The following PLIN4 variants were observed in gnomAD, a reference collection of about 807,000 sequenced individuals.
PLIN4 encodes perilipin-4.
A neutral mutation model predicts 52.4 loss-of-function variants in PLIN4; 57 were observed. The observed-to-expected ratio is 1.09, with a 90% CI of 0.88 to 1.36. The LOEUF (loss-of-function observed/expected upper bound fraction) is 1.36, where lower values mean the gene tolerates loss of function less well. Ranked by LOEUF, PLIN4 falls within the 40% of genes most tolerant of loss-of-function variation. The pLI is 0.00. For synonymous variants in PLIN4, 826 were observed against 785.4 expected (o/e 1.05, Z -0.86); for missense variants, 1,757 against 1,770.3 (o/e 0.99, Z 0.13).
chr19:4,504,508 G>C lies in PLIN4; in HGVS notation c.4067C>G (p.Pro1356Arg), dbSNP rs772145985. 12 of 1,600,516 alleles carry C rather than the reference G, an allele frequency of 7.5e-6. No individual in the cohort carries two copies. The highest frequency in any genetic ancestry group is 3.4e-5 in the Admixed American group (2 of 59,588). ...QLLEGLQHNP[P>R]LSWLVGPFAL... ...GAAGGGCCCTACCAGCCAGCTGAGC[G>C]GGGGATTGTGCTGTAGGCCCTCCAG... The change falls in exon 8 of 8, where the codon CCG becomes CGG. Residue 1356 changes from proline to arginine, a missense_variant. Transcript: ENST00000301286.
chr19:4,515,497 G>C (rs1048409538), intron 4 of PLIN4, among the ~76,000 whole-genome samples: 1 of 152,068 alleles, frequency 6.6e-6, no homozygotes, highest in Non-Finnish European at 1.5e-5. Context: ...TCAAACTCCT[G>C]AGCTCAACTG....
intron 4 of PLIN4, among the ~76,000 whole-genome samples, 173 bp downstream of exon 4, chr19:4,516,444 T>C (rs932540937): frequency 6.6e-6 from 1 of 152,168 alleles, no homozygotes; most frequent in South Asian, 2.1e-4. Flanking sequence ...AAGCTCCGCC[T>C]GGGATCCCCA....
rs929199939 is a variant in PLIN4, at chr19:4,512,349, A to G, written c.1611T>C (p.Ser537=). ...VLTGTKDTVC[S]GVTSAVNVAK... is the part of the protein sequence containing the mutation. ...CCACGTTCACAGCACTGGTCACCCC[A>G]CTGCAGACGGTGTCCTTGGTGCCGG... The change falls in exon 5 of 8, where the codon AGT becomes AGC. Residue 537 remains serine, a synonymous_variant. Coordinates refer to ENST00000301286, the MANE Select transcript of PLIN4 (RefSeq NM_001367868.2). 6.2e-7 allele frequency: 1 copy of G among 1,610,038 alleles called. No individual in the cohort carries two copies. Among genetic ancestry groups the G allele is most frequent in the South Asian group, 1.1e-5 (1 of 90,878 alleles).
chr19:4,512,686 G>A lies in PLIN4; in HGVS notation c.1274C>T (p.Thr425Ile), dbSNP rs748348808. Residue 425 changes from threonine to isoleucine, a missense_variant, in exon 5 of 8, where the codon ACC becomes ATC. Around this residue, in one of 7 missense-constraint regions of PLIN4, gnomAD observed 439 missense variants for 406.4 expected, o/e 1.08. Transcript: ENST00000301286. Reference protein sequence around the residue: ...KGAMQTGLNTTQNIATGTKDT... With the variant: ...KGAMQTGLNTIQNIATGTKDT... ...CTTTGTACCTGTTGCGATATTTTGG[G>A]TTGTGTTCAGCCCAGTTTGCATGGC... The A allele has an allele frequency of 6.5e-7, 1 of 1,531,052 alleles. No homozygotes were observed. The highest frequency in any genetic ancestry group is 2.3e-5 in the East Asian group (1 of 44,238). 94.8% of individuals were successfully genotyped at this position (1,531,052 alleles called of 1,614,324 possible). A position where few individuals can be genotyped will look rare whatever the true frequency, so the allele number is the denominator to read the frequency against.
intron 4 of PLIN4, 126 bp downstream of exon 4, chr19:4,516,491 C>T (rs1015286723): frequency 2.6e-6 from 3 of 1,156,196 alleles, no homozygotes; most frequent in Non-Finnish European, 3.6e-6. Context: ...AGCAGCCCCC[C>T]AGATAGCAGG....
Position 4,504,094 on chromosome 19 carries a change from A to C in PLIN4, c.*365T>G. ...CCCTGCTAGATATAAAAGGGTTGCT[A>C]GCGGGGCAAACAGATGCCCTTCCAG... On this transcript the variant is annotated 3_prime_UTR_variant, in exon 8 of 8. Transcript: ENST00000301286. The C allele has an allele frequency of 4.9e-6, 1 of 203,510 alleles. No individual in the cohort carries two copies. The allele number at this position is 203,510 out of a possible 1,614,324, so 12.6% of individuals were successfully genotyped here. A position where few individuals can be genotyped will look rare whatever the true frequency, so the allele number is the denominator to read the frequency against.
rs374670914 is a variant in PLIN4, at chr19:4,510,981, G to C, written c.2979C>G (p.Thr993=). Residue 993 remains threonine, a synonymous_variant, in exon 5 of 8, where the codon ACC becomes ACG. Transcript: ENST00000301286. ...VDASKAVLMG[T]KDTVFSGVTG... is the part of the protein sequence containing the mutation. The stretch of plus-strand genomic sequence containing the variant: ...TAACCCCACTGAAGACAGTGTCCTT[G>C]GTACCCATAAGCACAGCCTTGGAGG... 2.5e-6 allele frequency: 4 copies of C among 1,612,894 alleles called. No individual in the cohort carries two copies. Among genetic ancestry groups the C allele is most frequent in the African/African-American group, 2.7e-5 (2 of 74,750 alleles).
Position 4,515,784 on chromosome 19 carries a change from A to G in PLIN4, c.258+833T>C, listed in dbSNP as rs942658740. On this transcript the variant is annotated intron_variant, in intron 4 of 7. Transcript: ENST00000301286. The stretch of plus-strand genomic sequence containing the variant: ...CCAAATATCCACAGTACTGAGGTTG[A>G]GAAGCCCGGAAATTGTATTCTCAGA... Among the ~76,000 whole-genome samples, 11 of 152,176 alleles carry G rather than the reference A, an allele frequency of 7.2e-5. No homozygotes were observed. In the East Asian group the frequency reaches 1.7e-3, roughly 24 times the overall value.
chr19:4,512,394 G>A lies in PLIN4; in HGVS notation c.1566C>T (p.Asp522=), dbSNP rs1341860649. The A allele has an allele frequency of 1.2e-6, 2 of 1,608,950 alleles. No individual in the cohort carries two copies. The highest frequency in any genetic ancestry group is 1.4e-5 in the African/African-American group (1 of 73,388). The part of the protein sequence containing the change: ...VAKGTVQTGV[D]TTKTVLTGTK... ...TGCCGGTTAGGACAGTCTTGGTGGT[G>A]TCTACGCCGGTCTGGACGGTCCCTT... Residue 522 remains aspartate, a synonymous_variant, in exon 5 of 8, where the codon GAC becomes GAT. Transcript: ENST00000301286.
In PLIN4 at chr19:4,510,531, G is replaced by A. The variant is rs769420900; in HGVS notation, c.3429C>T (p.Pro1143=). 28 of 1,486,532 alleles carry A rather than the reference G, an allele frequency of 1.9e-5. No individual in the cohort carries two copies. The highest frequency in any genetic ancestry group is 7.4e-5 in the Admixed American group (3 of 40,656). The allele number at this position is 1,486,532 out of a possible 1,614,324, so 92.1% of individuals were successfully genotyped here. A position where few individuals can be genotyped will look rare whatever the true frequency, so the allele number is the denominator to read the frequency against. The stretch of plus-strand genomic sequence containing the variant: ...GCATTGCCAAGCGTGGGGCTTCTTC[G>A]GGGCCGTGTGTGGTGGCCAAAAGCC... The part of the protein sequence containing the change: ...DTGLLATTHG[P]EEAPRLAMLQ... The change falls in exon 5 of 8, where the codon CCC becomes CCT. Residue 1143 remains proline (P), a synonymous_variant. Coordinates refer to ENST00000301286, the MANE Select transcript of PLIN4 (RefSeq NM_001367868.2).
In PLIN4 at chr19:4,511,124, C is replaced by T. The variant is rs762943924; in HGVS notation, c.2836G>A (p.Val946Ile). 893 of 1,610,594 alleles carry T rather than the reference C, an allele frequency of 5.5e-4. No individual in the cohort carries two copies. Among genetic ancestry groups the T allele is most frequent in the Non-Finnish European group, 7.1e-4 (833 of 1,177,672 alleles). ...TGAVNVAKGT[V>I]QTGVDTAKTV... ...TTGGCTGTGTCCACACCTGTCTGGA[C>T]GGTCCCTTTGGCCACATTTACGGCA... Residue 946 changes from valine to isoleucine, a missense_variant, in exon 5 of 8, where the codon GTC becomes ATC. By Grantham distance (29) the Val-to-Ile change is conservative. Transcript: ENST00000301286.
intron 6 of PLIN4, among the ~76,000 whole-genome samples, chr19:4,508,117 T>C (rs907349062): frequency 2.0e-5 from 3 of 152,138 alleles, no homozygotes; most frequent in Non-Finnish European, 2.9e-5. Context: ...TGCTCCCCGG[T>C]AGCTTGCTGT....
At chr19:4,506,095 C>T (rs546329685) in intron 6 of PLIN4, among the ~76,000 whole-genome samples, 4 of 152,172 alleles carry the variant, frequency 2.6e-5, no homozygotes, top group South Asian at 2.1e-4. Context: ...CGCCCCCACC[C>T]GGTGGCCTGA....
rs1254378251 is a variant in PLIN4 at position 4,503,431 on chromosome 19, C to CT, written c.*1027dup. On this transcript the variant is annotated 3_prime_UTR_variant, in exon 8 of 8. Transcript: ENST00000301286. ...GCCGGGTCCGCCACCACCAGTGTCT[C>CT]TGATGCCTGCAGCCTCCCCAGCCCC... is the stretch of plus-strand genomic sequence containing the variant. 1 of 152,718 alleles carries CT rather than the reference C, an allele frequency of 6.5e-6. No individual in the cohort carries two copies. The highest frequency in any genetic ancestry group is 1.5e-5 in the Non-Finnish European group (1 of 68,444). 9.5% of individuals were successfully genotyped at this position (152,718 alleles called of 1,614,324 possible). A position where few individuals can be genotyped will look rare whatever the true frequency, so the allele number is the denominator to read the frequency against.
At chr19:4,517,458 A>ACT in intron 3 of PLIN4, 96 bp downstream of exon 3, 1 of 1,420,334 alleles carries the variant, frequency 7.0e-7, no homozygotes, top group Non-Finnish European at 9.4e-7. Context: ...AATATGGAGG[A>ACT]CTCCCCAAAT....
chr19:4,512,104 C>A lies in PLIN4; in HGVS notation c.1856G>T (p.Gly619Val), dbSNP rs758420992. The A allele has an allele frequency of 6.2e-7, 1 of 1,607,954 alleles. No homozygotes were observed. Among genetic ancestry groups the A allele is most frequent in the Non-Finnish European group, 8.5e-7 (1 of 1,178,752 alleles). Residue 619 changes from glycine (G) to valine (V), a missense_variant, in exon 5 of 8, where the codon GGC (glycine) becomes GTC (valine). This residue lies in a region of PLIN4 where 439 missense variants were observed against 406.4 expected (regional missense o/e 1.08). Transcript: ENST00000301286. ...VNVAKGTVQTGMDTTKTVLTG... is the reference protein window; with the variant it reads ...VNVAKGTVQTVMDTTKTVLTG... Reference sequence around the variant, plus strand: ...TAGGACAGTTTTGGTGGTGTCCATGCCTGTCTGGACGGTCCCTTTGGCGAC... The same window carrying A: ...TAGGACAGTTTTGGTGGTGTCCATGACTGTCTGGACGGTCCCTTTGGCGAC...
In PLIN4 at chr19:4,504,612, A is replaced by G. The variant is rs1412265683; in HGVS notation, c.3963T>C (p.Ser1321=). The change falls in exon 8 of 8, where the codon TCT becomes TCC. Residue 1321 remains serine, a synonymous_variant. Transcript: ENST00000301286. Reference sequence around the variant, plus strand: ...GCCGCTCTGCGGGCAGCTCCTCTACAGAGCCAGCTGAGGCCACGATGCCAT... The same window carrying G: ...GCCGCTCTGCGGGCAGCTCCTCTACGGAGCCAGCTGAGGCCACGATGCCAT... ...ELYGIVASAG[S]VEELPAERLV... 2 of 1,604,400 alleles carry G rather than the reference A, an allele frequency of 1.2e-6. No individual in the cohort carries two copies. Among genetic ancestry groups the G allele is most frequent in the Non-Finnish European group, 8.5e-7 (1 of 1,178,018 alleles).
rs564531479 is a variant in PLIN4, at chr19:4,512,395, T to C, written c.1565A>G (p.Asp522Gly). ...GCCGGTTAGGACAGTCTTGGTGGTG[T>C]CTACGCCGGTCTGGACGGTCCCTTT... ...VAKGTVQTGV[D>G]TTKTVLTGTK... The change falls in exon 5 of 8, where the codon GAC becomes GGC. Residue 522 changes from aspartate to glycine, a missense_variant. This residue lies in a region of PLIN4 where 439 missense variants were observed against 406.4 expected (regional missense o/e 1.08). Coordinates refer to ENST00000301286, the MANE Select transcript of PLIN4 (RefSeq NM_001367868.2). The C allele has an allele frequency of 1.9e-6, 3 of 1,608,610 alleles. No individual in the cohort carries two copies. Among genetic ancestry groups the C allele is most frequent in the Non-Finnish European group, 2.5e-6 (3 of 1,177,832 alleles).
Position 4,504,600 on chromosome 19 carries a change from C to T in PLIN4, c.3975G>A (p.Leu1325=). The part of the protein sequence containing the change: ...IVASAGSVEE[L]PAERLVQSRE... ...GGCTCTGCACCAGCCGCTCTGCGGGCAGCTCCTCTACAGAGCCAGCTGAGG... is the reference window on the plus strand; with the variant it reads ...GGCTCTGCACCAGCCGCTCTGCGGGTAGCTCCTCTACAGAGCCAGCTGAGG... The change falls in exon 8 of 8, where the codon CTG becomes CTA. Residue 1325 remains leucine, a synonymous_variant. Transcript: ENST00000301286. 6.2e-7 allele frequency: 1 copy of T among 1,604,184 alleles called. No individual in the cohort carries two copies. The highest frequency in any genetic ancestry group is 8.5e-7 in the Non-Finnish European group (1 of 1,177,746).
Sources: allele counts gnomAD v4.1 joint callset (sites outside exome capture counted in the v4.1 genomes callset), GRCh38; gene constraint gnomAD v4.1.1; regional missense constraint gnomAD v4.1.1; transcripts MANE v1.5; gene names NCBI Gene and HGNC (gene_info 2026-07-23, HGNC 2026-07-21).